Variants in MYBPC1 observed in about 807,000 individuals in gnomAD.
The protein encoded by MYBPC1 is myosin binding protein C1.
MYBPC1 carries 52 observed loss-of-function variants against 147.1 expected under a neutral mutation model. The ratio of observed to expected loss-of-function variants is 0.35; its 90% confidence interval spans 0.28 to 0.45. The LOEUF (loss-of-function observed/expected upper bound fraction) is 0.45. MYBPC1 is among the 20% of genes least tolerant of loss of function. The pLI is 1.00. For missense variants in MYBPC1, 1,228 were observed against 1,440.3 expected (o/e 0.85, Z 2.39); for synonymous variants, 477 against 475.9 (o/e 1.00, Z -0.03).
chr12:101,601,687 T>C (rs1343517496), intron 1 of MYBPC1, among the ~76,000 whole-genome samples: 1 of 152,218 alleles, frequency 6.6e-6, no homozygotes, highest in Non-Finnish European at 1.5e-5. Flanking sequence ...AAATTACATT[T>C]AATAATATGT....
chr12:101,669,971 A>G (rs1216780181), intron 23 of MYBPC1: 2 of 392,516 alleles, frequency 5.1e-6, no homozygotes, highest in African/African-American at 2.1e-5. Flanking sequence ...AAAAGTATGC[A>G]TAGTATGTAT....
At chr12:101,657,237 A>G (rs1565970374) in intron 18 of MYBPC1, among the ~76,000 whole-genome samples, 1 of 152,188 alleles carries the variant, frequency 6.6e-6, no homozygotes, top group East Asian at 1.9e-4. Flanking sequence ...AATGGCAATG[A>G]TTGCATATAT....
chr12:101,624,533 G>A (rs1325727067), intron 3 of MYBPC1, among the ~76,000 whole-genome samples: 6 of 151,912 alleles, frequency 3.9e-5, no homozygotes, highest in African/African-American at 1.2e-4. Flanking sequence ...TGTCATCCAC[G>A]CTAGAGTACA....
intron 1 of MYBPC1, among the ~76,000 whole-genome samples, chr12:101,601,634 G>A (rs1565874853): frequency 6.6e-6 from 1 of 152,008 alleles, no homozygotes; most frequent in African/African-American, 2.4e-5. Context: ...TACTCCCTTA[G>A]GAATCCTTTT....
At chr12:101,604,354 A>G (rs1465833266) in intron 1 of MYBPC1, among the ~76,000 whole-genome samples, 2 of 152,252 alleles carry the variant, frequency 1.3e-5, no homozygotes, top group Non-Finnish European at 2.9e-5. Context: ...ATAATGAGTC[A>G]TTGAATATTT....
At chr12:101,629,101 C>T (rs1346402715) in intron 5 of MYBPC1, 1 of 368,524 alleles carries the variant, frequency 2.7e-6, no homozygotes, top group Non-Finnish European at 5.2e-6. Context: ...ATACACTGGC[C>T]ACCATTGTTT....
chr12:101,598,270 T>A (rs1205139706), intron 1 of MYBPC1, among the ~76,000 whole-genome samples: 1 of 152,194 alleles, frequency 6.6e-6, no homozygotes, highest in East Asian at 1.9e-4. Flanking sequence ...TCCACCTGCC[T>A]CTGCCTCCCA....
chr12:101,619,850 A>G (rs1342773215), intron 3 of MYBPC1, among the ~76,000 whole-genome samples: 1 of 152,190 alleles, frequency 6.6e-6, no homozygotes, highest in East Asian at 1.9e-4. Context: ...CCTTAACATC[A>G]TTCCCAGATT....
chr12:101,687,090 A>G (rs1006211409), downstream of MYBPC1, among the ~76,000 whole-genome samples: 1 of 151,856 alleles, frequency 6.6e-6, no homozygotes, highest in Non-Finnish European at 1.5e-5. Flanking sequence ...TATTTTTATT[A>G]TACTCTAAGT....
chr12:101,668,666 T>A (rs1192182870), intron 23 of MYBPC1, among the ~76,000 whole-genome samples: 1 of 152,206 alleles, frequency 6.6e-6, no homozygotes, highest in East Asian at 2.0e-4. Flanking sequence ...GGTTTCACCA[T>A]GTTGGTCAGG....
At chr12:101,634,190 G>A (rs1280245348) in intron 8 of MYBPC1, among the ~76,000 whole-genome samples, 2 of 152,154 alleles carry the variant, frequency 1.3e-5, no homozygotes, top group Admixed American at 1.3e-4. Flanking sequence ...GTGAGCCACC[G>A]CGCCCGGCCC....
At chr12:101,639,111 A>G (rs957605256) in intron 10 of MYBPC1, among the ~76,000 whole-genome samples, 1 of 152,210 alleles carries the variant, frequency 6.6e-6, no homozygotes, top group Non-Finnish European at 1.5e-5. Context: ...AATAGACATT[A>G]GCTAAATCAG....
At chr12:101,631,758 GC>G (rs1565925200) in intron 7 of MYBPC1, 39 bp downstream of exon 7, 1 of 1,612,818 alleles carries the variant, frequency 6.2e-7, no homozygotes, top group South Asian at 1.1e-5. Flanking sequence ...CTCAGCTAGC[GC>G]ATTCCTTCTA....
rs761379042 is a variant in MYBPC1, at chr12:101,636,763, C to CT, written c.665+36dup. On this transcript the variant is annotated intron_variant, in intron 10 of 31. Coordinates refer to ENST00000361466, the MANE Select transcript of MYBPC1 (RefSeq NM_002465.4). Reference sequence around the variant, plus strand: ...AAGTGATGGAGTGAGACATTGTGGCCTGGAAGTCTTTCAGACACCCACTCA... The same window carrying CT: ...AAGTGATGGAGTGAGACATTGTGGCCTTGGAAGTCTTTCAGACACCCACTCA... 9 of 1,586,374 alleles carry CT rather than the reference C, an allele frequency of 5.7e-6. No individual in the cohort carries two copies. In the Admixed American group the frequency reaches 1.5e-4, roughly 26 times the overall value.
intron 24 of MYBPC1, among the ~76,000 whole-genome samples, chr12:101,672,619 G>C (rs1007793591): frequency 6.6e-6 from 1 of 152,136 alleles, no homozygotes; most frequent in Non-Finnish European, 1.5e-5. Flanking sequence ...AGGCTGAGGC[G>C]TGTGAATCAC....
At chr12:101,659,461 C>T (rs1470275259) in intron 18 of MYBPC1, among the ~76,000 whole-genome samples, 1 of 152,060 alleles carries the variant, frequency 6.6e-6, no homozygotes, top group African/African-American at 2.4e-5. Flanking sequence ...TATAATAATA[C>T]CTTGTCATTA....
At chr12:101,609,627 C>T (rs765907049) in intron 1 of MYBPC1, among the ~76,000 whole-genome samples, 34 of 152,188 alleles carry the variant, frequency 2.2e-4, no homozygotes, top group Non-Finnish European at 4.0e-4. Flanking sequence ...TTGATCAGAT[C>T]CCTAAGTGAT....
At chr12:101,632,805 C>CCG (rs1310875523) in intron 8 of MYBPC1, among the ~76,000 whole-genome samples, 1 of 152,216 alleles carries the variant, frequency 6.6e-6, no homozygotes, top group Non-Finnish European at 1.5e-5. Flanking sequence ...TCTTGGTTCA[C>CCG]CACAACTTCC....
intron 3 of MYBPC1, among the ~76,000 whole-genome samples, chr12:101,620,425 C>A (rs576639748): frequency 7.4e-4 from 112 of 152,326 alleles, no homozygotes; most frequent in African/African-American, 2.5e-3. Context: ...ACATGCCAGG[C>A]ACAGATCTGG....
Sources: gnomAD v4.1 joint callset for allele counts (sites outside exome capture counted in the v4.1 genomes callset) on GRCh38, gnomAD v4.1.1 for gene constraint, MANE v1.5 for transcripts, NCBI Gene and HGNC (gene_info 2026-07-23, HGNC 2026-07-21) for gene names.